BMAL2: variants seen among roughly 807,000 people sequenced by gnomAD.
BMAL2 encodes basic helix-loop-helix ARNT like 2.
chr12:27,344,123 G>T, the BMAL2 span, among the ~76,000 whole-genome samples: 2 of 152,322 alleles, frequency 1.3e-5, no homozygotes, highest in African/African-American at 2.4e-5. Context: ...GGAAACTGAG[G>T]CATAGAGAAT....
chr12:27,382,819 CA>C, the BMAL2 span, among the ~76,000 whole-genome samples: 3 of 152,188 alleles, frequency 2.0e-5, no homozygotes, highest in South Asian at 6.2e-4. Context: ...TACTCTACAG[CA>C]GTGCTTTTTA....
the BMAL2 span, among the ~76,000 whole-genome samples, chr12:27,333,289 G>A: frequency 2.6e-5 from 4 of 151,964 alleles, no homozygotes; most frequent in South Asian, 6.2e-4. Context: ...GCACAGGTGC[G>A]GCGCGGCGCC....
the BMAL2 span, among the ~76,000 whole-genome samples, chr12:27,361,417 G>A: frequency 1.1e-4 from 16 of 152,054 alleles, no homozygotes; most frequent in African/African-American, 3.9e-4. Flanking sequence ...AGGCAATCAC[G>A]ATATCTTCGT....
the BMAL2 span, among the ~76,000 whole-genome samples, chr12:27,402,248 A>G: frequency 6.6e-6 from 1 of 152,146 alleles, no homozygotes; most frequent in African/African-American, 2.4e-5. Context: ...AAATTGCTGT[A>G]AGGTTTCCTT....
At chr12:27,388,982 C>A in the BMAL2 span, among the ~76,000 whole-genome samples, 39 of 152,226 alleles carry the variant, frequency 2.6e-4, 2 homozygotes, top group African/African-American at 7.7e-4. Flanking sequence ...AGGGATGGTT[C>A]TATACGCATG....
the BMAL2 span, among the ~76,000 whole-genome samples, chr12:27,378,973 G>A: frequency 1.3e-5 from 2 of 152,098 alleles, no homozygotes; most frequent in East Asian, 3.9e-4. Flanking sequence ...CACGTTGGAA[G>A]AAGAAAAATT....
chr12:27,341,199 A>C, the BMAL2 span, among the ~76,000 whole-genome samples: 1 of 149,360 alleles, frequency 6.7e-6, no homozygotes, highest in Non-Finnish European at 1.5e-5. Context: ...TTCAAGGGGA[A>C]TGCTGCCAGC....
the BMAL2 span, among the ~76,000 whole-genome samples, chr12:27,359,597 G>A: frequency 3.3e-5 from 5 of 152,022 alleles, no homozygotes; most frequent in East Asian, 1.9e-4. Context: ...TAGGAATATC[G>A]CTTGAGCCCA....
chr12:27,419,218 A>G, the BMAL2 span, among the ~76,000 whole-genome samples: 2 of 152,226 alleles, frequency 1.3e-5, no homozygotes, highest in Non-Finnish European at 2.9e-5. Context: ...AAATTGAGTG[A>G]CATGGTATTT....
chr12:27,376,323 T>C, the BMAL2 span: 1 of 1,607,912 alleles, frequency 6.2e-7, no homozygotes, highest in Non-Finnish European at 8.5e-7. Context: ...TGTAGTTTGA[T>C]ATTTTATCCT....
the BMAL2 span, among the ~76,000 whole-genome samples, chr12:27,336,383 A>C: frequency 3.9e-5 from 6 of 152,108 alleles, no homozygotes; most frequent in African/African-American, 1.4e-4. Flanking sequence ...ACCCCTTCCC[A>C]GTGGCAGGAG....
the BMAL2 span, among the ~76,000 whole-genome samples, chr12:27,401,946 A>G: frequency 4.6e-5 from 7 of 152,234 alleles, no homozygotes; most frequent in African/African-American, 1.4e-4. Context: ...CCTACCCTCC[A>G]TGGCCATTCA....
At chr12:27,403,559 C>T in the BMAL2 span, 2 of 1,414,986 alleles carry the variant, frequency 1.4e-6, no homozygotes, top group Non-Finnish European at 2.0e-6. Flanking sequence ...TTTATTGCTG[C>T]AAATATTTTC....
At chr12:27,424,976 A>G in the BMAL2 span, 1 of 152,212 alleles carries the variant, frequency 6.6e-6, no homozygotes, top group South Asian at 2.1e-4. Context: ...AGATCCTGAC[A>G]CATAAGAACT....
chr12:27,418,274 G>A, the BMAL2 span: 1 of 940,842 alleles, frequency 1.1e-6, no homozygotes, highest in Non-Finnish European at 1.6e-6. Flanking sequence ...TCAGGCACAG[G>A]AAATTTGTAG....
the BMAL2 span, chr12:27,400,845 A>G: frequency 2.2e-6 from 3 of 1,347,816 alleles, no homozygotes; most frequent in African/African-American, 4.4e-5. Context: ...GTGTCTTAGT[A>G]GCACTGCTAG....
the BMAL2 span, chr12:27,420,303 T>C: frequency 6.5e-7 from 1 of 1,542,904 alleles, no homozygotes; most frequent in African/African-American, 1.4e-5. Context: ...CTTTGCCATT[T>C]TTTATCACAA....
chr12:27,379,033 TAA>T, the BMAL2 span, among the ~76,000 whole-genome samples: 3 of 146,116 alleles, frequency 2.1e-5, no homozygotes, highest in African/African-American at 7.5e-5. Flanking sequence ...GCTAGTGAGC[TAA>T]AAAAAAAAAA....
the BMAL2 span, among the ~76,000 whole-genome samples, chr12:27,365,265 T>C: frequency 3.9e-5 from 6 of 152,112 alleles, no homozygotes; most frequent in African/African-American, 1.4e-4. Context: ...TTATCTGTTA[T>C]TGTGGTAAAT....
Sources: allele counts gnomAD v4.1 joint callset (sites outside exome capture counted in the v4.1 genomes callset), GRCh38; gene constraint gnomAD v4.1.1; transcripts MANE v1.5; gene names NCBI Gene and HGNC (gene_info 2026-07-23, HGNC 2026-07-21).